ELL2: variants seen among roughly 807,000 people sequenced by gnomAD.
ELL2 encodes the protein RNA polymerase II elongation factor ELL2.
A neutral mutation model predicts 72.8 loss-of-function variants in ELL2; 21 were observed. The ratio of observed to expected loss-of-function variants is 0.29; its 90% CI spans 0.20 to 0.42. The LOEUF is 0.42. Ranked by LOEUF, ELL2 falls within the 10% of genes least tolerant of loss-of-function variation. The probability of loss-of-function intolerance (pLI) is 1.00; values close to 1 mark genes in which losing one functional copy is unlikely to be tolerated. For missense variants in ELL2, 568 were observed against 772.8 expected (o/e 0.73, Z 3.14); for synonymous variants, 266 against 283.2 (o/e 0.94, Z 0.61).
intron 9 of ELL2, among the ~76,000 whole-genome samples, chr5:95,895,097 CTTG>C (rs1224369839): frequency 2.0e-5 from 3 of 152,224 alleles, no homozygotes; most frequent in African/African-American, 7.2e-5. Context: ...CATTTAGCAA[CTTG>C]TTGTCACAAC....
chr5:95,958,868 A>C (rs1180272181), intron 1 of ELL2, among the ~76,000 whole-genome samples: 1 of 152,176 alleles, frequency 6.6e-6, no homozygotes, highest in Non-Finnish European at 1.5e-5. Context: ...GAAGCAAACA[A>C]AGACATTGAC....
intron 1 of ELL2, among the ~76,000 whole-genome samples, chr5:95,957,336 T>C (rs1751661086): frequency 6.6e-6 from 1 of 152,236 alleles, no homozygotes; most frequent in Non-Finnish European, 1.5e-5. Flanking sequence ...ATTACAGTAA[T>C]ATATGCTCAT....
At chr5:95,943,362 C>T (rs1751042370) in intron 1 of ELL2, among the ~76,000 whole-genome samples, 1 of 151,918 alleles carries the variant, frequency 6.6e-6, no homozygotes, top group African/African-American at 2.4e-5. Flanking sequence ...TTGCATGTTA[C>T]TATATTAAGA....
At chr5:95,922,680 T>C (rs1216595864) in intron 2 of ELL2, among the ~76,000 whole-genome samples, 1 of 152,200 alleles carries the variant, frequency 6.6e-6, no homozygotes, top group African/African-American at 2.4e-5. Flanking sequence ...TAAAGCATTA[T>C]AGTTTGGCCT....
chr5:95,938,464 C>T lies in ELL2; in HGVS notation c.195+4538G>A, dbSNP rs544468874. Among the ~76,000 whole-genome samples, 16 of 152,272 alleles carry T rather than the reference C, an allele frequency of 1.1e-4. 1 individual carries two copies. The South Asian group carries it at 3.3e-3, about 32-fold the overall frequency. On this transcript the variant is annotated intron_variant, in intron 2 of 11. Transcript: ENST00000237853. ...TTAGGCCCGGTATGGTGCTTTAAAC[C>T]TGTAATCCCAGGTCTTTGGGAAGCC... is the stretch of plus-strand genomic sequence containing the variant.
intron 2 of ELL2, among the ~76,000 whole-genome samples, chr5:95,931,796 T>A (rs867837427): frequency 0.02 from 1,469 of 72,438 alleles, 1 homozygote; most frequent in Middle Eastern, 0.056. Flanking sequence ...GCCCTATCCA[T>A]AAAAAAAAAA....
At chr5:95,916,363 G>C (rs1178985112) in intron 3 of ELL2, among the ~76,000 whole-genome samples, 2 of 152,168 alleles carry the variant, frequency 1.3e-5, no homozygotes, top group African/African-American at 2.4e-5. Context: ...GGGGTCTCAG[G>C]AGGGAACCAA....
intron 2 of ELL2, among the ~76,000 whole-genome samples, chr5:95,922,317 C>T (rs1306711601): frequency 6.6e-6 from 1 of 152,226 alleles, no homozygotes; most frequent in East Asian, 1.9e-4. Flanking sequence ...TGGCCTTGGC[C>T]TCCCAAAGTG....
At chr5:95,919,994 G>A (rs912771590) in intron 2 of ELL2, among the ~76,000 whole-genome samples, 4 of 151,856 alleles carry the variant, frequency 2.6e-5, no homozygotes, top group Non-Finnish European at 5.9e-5. Flanking sequence ...CGAATCTTTG[G>A]CTCTTATAAT....
At chr5:95,895,479 G>A (rs879170126) in intron 9 of ELL2, 149 bp downstream of exon 9, 10 of 690,870 alleles carry the variant, frequency 1.4e-5, no homozygotes, top group Non-Finnish European at 2.0e-5. Context: ...GGGATGAGCA[G>A]GCTAAATGGC....
rs965785202 is a variant in ELL2 at position 95,887,565 on chromosome 5, T to A, written c.*1306A>T. ...TCAACATTAATTCAAAATCCTTATATTTTTGACCACATAACTTATGTTCCC... is the reference window on the plus strand; with the variant it reads ...TCAACATTAATTCAAAATCCTTATAATTTTGACCACATAACTTATGTTCCC... On this transcript the variant is annotated 3_prime_UTR_variant, in exon 12 of 12. Transcript: ENST00000237853. 10 of 152,780 alleles carry A rather than the reference T, an allele frequency of 6.5e-5. No individual in the cohort carries two copies. Among genetic ancestry groups the A allele is most frequent in the African/African-American group, 2.2e-4 (9 of 41,588 alleles). 9.5% of individuals were successfully genotyped at this position (152,780 alleles called of 1,614,324 possible).
chr5:95,945,322 C>T (rs544374166), intron 1 of ELL2, among the ~76,000 whole-genome samples: 5 of 152,284 alleles, frequency 3.3e-5, no homozygotes, highest in East Asian at 1.9e-4. Flanking sequence ...CTTCTCTCCC[C>T]GACTTCATAT....
chr5:95,889,673 CATAATTT>C (rs1748585978), intron 10 of ELL2, among the ~76,000 whole-genome samples: 1 of 152,076 alleles, frequency 6.6e-6, no homozygotes, highest in Non-Finnish European at 1.5e-5. Flanking sequence ...AATAATGTAT[CATAATTT>C]AAGTTATTGG....
intron 2 of ELL2, among the ~76,000 whole-genome samples, chr5:95,933,257 T>C (rs1750660310): frequency 1.3e-5 from 2 of 152,210 alleles, no homozygotes. Context: ...TTGAAAACTT[T>C]AAAAGTATTC....
intron 1 of ELL2, among the ~76,000 whole-genome samples, chr5:95,950,904 GTATATATATATATATATATATATATATA>G (rs869036736): frequency 4.5e-4 from 21 of 46,614 alleles, no homozygotes; most frequent in Admixed American, 9.9e-4. Flanking sequence ...GTATGTATGT[GTATATATATATATATATATATATATATA>G]TATATATATA....
intron 2 of ELL2, among the ~76,000 whole-genome samples, chr5:95,927,435 G>A (rs1300730470): frequency 2.1e-3 from 80 of 38,256 alleles, no homozygotes; most frequent in African/African-American, 9.2e-3. Context: ...ACACACACAC[G>A]TGTGTATATA....
intron 1 of ELL2, among the ~76,000 whole-genome samples, chr5:95,956,553 C>T (rs1218569164): frequency 6.6e-6 from 1 of 152,158 alleles, no homozygotes; most frequent in African/African-American, 2.4e-5. Context: ...GGCTTAAGAA[C>T]AGTCTTCTGC....
Position 95,961,568 on chromosome 5 carries a change from C to A in ELL2, c.147+7G>T. 1.9e-6 allele frequency: 3 copies of A among 1,579,690 alleles called. No individual in the cohort carries two copies. The highest frequency in any genetic ancestry group is 2.6e-6 in the Non-Finnish European group (3 of 1,165,360). ...TCTGAGCCCAGCCTGCCGGCCGGCC[C>A]GCTCACCTTGTGGCTCTGGTAAGTC... is the stretch of plus-strand genomic sequence containing the variant. On this transcript the variant is annotated splice_region_variant and intron_variant, in intron 1 of 11. Transcript: ENST00000237853.
At chr5:95,934,814 TTC>T (rs1189796196) in intron 2 of ELL2, among the ~76,000 whole-genome samples, 3 of 152,210 alleles carry the variant, frequency 2.0e-5, no homozygotes, top group Non-Finnish European at 2.9e-5. Flanking sequence ...CTCCAAAAAT[TTC>T]TTTTATGTTT....
Sources: allele counts gnomAD v4.1 joint callset (sites outside exome capture counted in the v4.1 genomes callset), GRCh38; gene constraint gnomAD v4.1.1; transcripts MANE v1.5; gene names NCBI Gene and HGNC (gene_info 2026-07-23, HGNC 2026-07-21).